ITSN1: variants seen among roughly 807,000 people sequenced by gnomAD.
ITSN1 encodes intersectin 1.
Under a neutral mutation model 239.8 loss-of-function variants are expected in ITSN1, and 58 were observed. The observed-to-expected ratio is 0.24, with a 90% CI of 0.20 to 0.30. The LOEUF is 0.30. Ranked by LOEUF, ITSN1 falls within the 10% of genes least tolerant of loss-of-function variation. ITSN1 has a pLI of 1.00. For missense variants in ITSN1, 1,558 were observed against 2,103.3 expected (o/e 0.74, Z 5.07); for synonymous variants, 780 against 770.8 (o/e 1.01, Z -0.20).
intron 24 of ITSN1, among the ~76,000 whole-genome samples, chr21:33,822,986 C>T (rs779324385): frequency 4.6e-5 from 7 of 152,136 alleles, no homozygotes; most frequent in Non-Finnish European, 7.4e-5. Flanking sequence ...TTAATTTATG[C>T]GAAGGATATA....
At chr21:33,829,594 T>G (rs1482247458) in intron 26 of ITSN1, 30 bp from the exon 27 acceptor site, 1 of 1,611,144 alleles carries the variant, frequency 6.2e-7, no homozygotes, top group Non-Finnish European at 8.5e-7. Flanking sequence ...CTCTTAACAG[T>G]GCACTGCCGT....
intron 4 of ITSN1, among the ~76,000 whole-genome samples, chr21:33,729,687 C>A (rs761753404): frequency 6.6e-6 from 1 of 152,016 alleles, no homozygotes; most frequent in Non-Finnish European, 1.5e-5. Context: ...TATGGTAATC[C>A]ATATATTGCC....
chr21:33,754,551 T>C (rs1302491280), intron 7 of ITSN1, among the ~76,000 whole-genome samples: 3 of 152,192 alleles, frequency 2.0e-5, no homozygotes, highest in Non-Finnish European at 2.9e-5. Flanking sequence ...TTGGTACCAG[T>C]GTGATATTTG....
At position 33,653,813 on chromosome 21, in the gene ITSN1, C is replaced by T. The variant is rs532142962; in HGVS notation, c.-33+11100C>T. Among the ~76,000 whole-genome samples, 325 of 152,230 alleles carry T rather than the reference C, an allele frequency of 2.1e-3. 1 individual carries two copies. Among genetic ancestry groups the T allele is most frequent in the Non-Finnish European group, 3.6e-3 (245 of 68,002 alleles). Reference sequence around the variant, plus strand: ...CTGGAATTACAGGCGTGAGCCACTGCGCCCGGCCAATGTCTTTCTTTTTTT... The same window carrying T: ...CTGGAATTACAGGCGTGAGCCACTGTGCCCGGCCAATGTCTTTCTTTTTTT... On this transcript the variant is annotated intron_variant, in intron 1 of 39. Transcript: ENST00000381318.
intron 1 of ITSN1, among the ~76,000 whole-genome samples, chr21:33,676,770 G>C (rs1409035765): frequency 2.6e-5 from 4 of 152,220 alleles, no homozygotes; most frequent in Non-Finnish European, 5.9e-5. Context: ...TAAAGAGTTT[G>C]CCATGGTTTT....
chr21:33,756,624 T>A (rs1408913052), intron 8 of ITSN1, among the ~76,000 whole-genome samples: 1 of 152,230 alleles, frequency 6.6e-6, no homozygotes, highest in Non-Finnish European at 1.5e-5. Context: ...TCTTGAACTC[T>A]GGTCCCTTTA....
Position 33,875,582 on chromosome 21 carries a change from A to G in ITSN1, c.4341+61A>G. 4.6e-6 allele frequency: 7 copies of G among 1,515,924 alleles called. 1 individual carries two copies. The highest frequency in any genetic ancestry group is 6.3e-6 in the Non-Finnish European group (7 of 1,111,578). 93.9% of individuals were successfully genotyped at this position (1,515,924 alleles called of 1,614,324 possible). On this transcript the variant is annotated intron_variant, in intron 34 of 39. Transcript: ENST00000381318. The stretch of plus-strand genomic sequence containing the variant: ...GGCAGAGCCTCGCCTGCCAGCCTGG[A>G]GGAGGACAAAGAAAAGCATGAACCA...
intron 31 of ITSN1, among the ~76,000 whole-genome samples, chr21:33,863,477 G>A (rs1203032254): frequency 2.0e-5 from 3 of 152,138 alleles, no homozygotes; most frequent in South Asian, 2.1e-4. Context: ...CCAACATGGC[G>A]AAACCCCATC....
At chr21:33,726,661 A>C (rs569643521) in intron 4 of ITSN1, among the ~76,000 whole-genome samples, 5 of 152,012 alleles carry the variant, frequency 3.3e-5, no homozygotes, top group South Asian at 4.2e-4. Context: ...AGCTGAGTCT[A>C]CAGGCATACA....
intron 8 of ITSN1, among the ~76,000 whole-genome samples, chr21:33,758,602 A>T (rs73900362): frequency 6.6e-6 from 1 of 152,350 alleles, no homozygotes; most frequent in African/African-American, 2.4e-5. Flanking sequence ...GAACTCTGGT[A>T]TTCCTGTTAA....
chr21:33,860,331 A>G (rs1324942139), intron 31 of ITSN1, among the ~76,000 whole-genome samples: 1 of 151,888 alleles, frequency 6.6e-6, no homozygotes, highest in Non-Finnish European at 1.5e-5. Flanking sequence ...AAAAAAAAAA[A>G]AGAAAAGAAA....
chr21:33,706,871 C>T (rs541771715), intron 1 of ITSN1, among the ~76,000 whole-genome samples: 64 of 152,096 alleles, frequency 4.2e-4, no homozygotes, highest in African/African-American at 1.4e-3. Context: ...TACAGGCGTG[C>T]GCTATCACGC....
chr21:33,731,477 C>T (rs757645757), intron 4 of ITSN1, among the ~76,000 whole-genome samples: 25 of 152,188 alleles, frequency 1.6e-4, no homozygotes, highest in Non-Finnish European at 3.5e-4. Flanking sequence ...ATTTTATTTA[C>T]TTAGTTTCCT....
In ITSN1 at chr21:33,797,652, C is replaced by A; in HGVS notation, c.2182+44C>A. On this transcript the variant is annotated intron_variant, in intron 18 of 39. Transcript: ENST00000381318. The surrounding 1 kb of genome is among the most constrained non-coding windows in gnomAD (Gnocchi z 4.9). ...AATTATAGAAAATAAGTCATCTTCT[C>A]TCCCAGAGCCTCCTGAAAAATGCCC... The A allele has an allele frequency of 6.7e-7, 1 of 1,498,540 alleles. No homozygotes were observed. Among genetic ancestry groups the A allele is most frequent in the South Asian group, 1.2e-5 (1 of 85,524 alleles). The allele number at this position is 1,498,540 out of a possible 1,614,324, so 92.8% of individuals were successfully genotyped here. A position where few individuals can be genotyped will look rare whatever the true frequency, so the allele number is the denominator to read the frequency against.
chr21:33,758,121 A>G (rs2068049758), intron 8 of ITSN1, among the ~76,000 whole-genome samples: 1 of 152,118 alleles, frequency 6.6e-6, no homozygotes, highest in South Asian at 2.1e-4. Flanking sequence ...GACCTCAAGC[A>G]GTCCTACCAC....
chr21:33,760,700 AAC>A (rs1478945853), intron 8 of ITSN1, among the ~76,000 whole-genome samples: 4 of 152,174 alleles, frequency 2.6e-5, no homozygotes, highest in African/African-American at 9.7e-5. Flanking sequence ...GCCATGCAAA[AAC>A]ACATCCAGTT....
chr21:33,708,288 T>C (rs1239645799), intron 1 of ITSN1, among the ~76,000 whole-genome samples: 1 of 150,296 alleles, frequency 6.7e-6, no homozygotes, highest in Non-Finnish European at 1.5e-5. Context: ...CAAGTAAGTG[T>C]TTTCTTTGTG....
chr21:33,753,861 G>A (rs2067733254), intron 7 of ITSN1, among the ~76,000 whole-genome samples: 1 of 146,688 alleles, frequency 6.8e-6, no homozygotes, highest in Admixed American at 6.9e-5. Flanking sequence ...CTGCTTTATT[G>A]ATTTGTGACA....
chr21:33,660,374 T>A (rs2089458352), intron 1 of ITSN1, among the ~76,000 whole-genome samples: 1 of 152,210 alleles, frequency 6.6e-6, no homozygotes. Flanking sequence ...TGGATTTTTG[T>A]CTTATCATTG....
Sources: allele counts gnomAD v4.1 joint callset (sites outside exome capture counted in the v4.1 genomes callset), GRCh38; gene constraint gnomAD v4.1.1; non-coding constraint Gnocchi (gnomAD v3.1); transcripts MANE v1.5; gene names NCBI Gene and HGNC (gene_info 2026-07-23, HGNC 2026-07-21).